Variants in SIPA1L3 observed in about 807,000 individuals in gnomAD.
SIPA1L3 encodes signal induced proliferation associated 1 like 3, also known as signal-induced proliferation-associated 1-like protein 3.
In SIPA1L3, 59 loss-of-function variants were observed where a neutral mutation model predicts 150.1. That is an observed-to-expected ratio of 0.39 (90% confidence interval 0.32 to 0.49). The LOEUF (loss-of-function observed/expected upper bound fraction) is 0.49. Among genes scored for constraint, SIPA1L3 ranks in the 20% least tolerant of loss-of-function variants. SIPA1L3 has a pLI of 0.86. For synonymous variants in SIPA1L3, 1,070 were observed against 1,077.6 expected (o/e 0.99, Z 0.14); for missense variants, 2,211 against 2,489.5 (o/e 0.89, Z 2.38).
intron 1 of SIPA1L3, chr19:37,963,870 A>G (rs1315994922): frequency 6.6e-6 from 1 of 152,174 alleles, no homozygotes; most frequent in Non-Finnish European, 1.5e-5. Context: ...CCAAACTTTA[A>G]ATATGTAGCT....
chr19:37,971,348 T>A (rs995361016), intron 1 of SIPA1L3, among the ~76,000 whole-genome samples: 10 of 152,090 alleles, frequency 6.6e-5, no homozygotes, highest in African/African-American at 2.2e-4. Context: ...ATCATAACAA[T>A]CTATTTGCAG....
At chr19:38,016,561 C>T (rs1394985161) in intron 1 of SIPA1L3, among the ~76,000 whole-genome samples, 4 of 152,138 alleles carry the variant, frequency 2.6e-5, no homozygotes, top group Non-Finnish European at 4.4e-5. Context: ...GGCACGGTCT[C>T]GGTGCACTGC....
chr19:38,080,897 G>A (rs956227267), intron 2 of SIPA1L3, among the ~76,000 whole-genome samples: 1 of 151,694 alleles, frequency 6.6e-6, no homozygotes, highest in Non-Finnish European at 1.5e-5. Flanking sequence ...TCGAACCTTC[G>A]AGGTGGATGT....
In SIPA1L3 at chr19:38,053,202, A is replaced by G. The variant is rs147275197; in HGVS notation, c.-311+24046A>G. 1.6e-3 allele frequency among the ~76,000 whole-genome samples: 239 copies of G among 152,348 alleles called. 1 individual carries two copies. The highest frequency in any genetic ancestry group is 5.4e-3 in the African/African-American group (226 of 41,578). On this transcript the variant is annotated intron_variant, in intron 2 of 21. Transcript: ENST00000222345. ...ACACAAACAGGGAAGCTCAACACCA[A>G]TGTGAGAGTTTAAAGGAGACAGAGA...
intron 2 of SIPA1L3, among the ~76,000 whole-genome samples, chr19:38,043,327 G>T (rs575176428): frequency 6.6e-6 from 1 of 152,104 alleles, no homozygotes; most frequent in African/African-American, 2.4e-5. Context: ...GCGACAGAGC[G>T]AGACTTCATC....
chr19:38,154,435 T>G (rs1442216497), intron 13 of SIPA1L3, among the ~76,000 whole-genome samples: 6 of 152,050 alleles, frequency 3.9e-5, no homozygotes, highest in African/African-American at 1.4e-4. Context: ...TTAAGTTGAT[T>G]TTATTTTATT....
intron 10 of SIPA1L3, among the ~76,000 whole-genome samples, chr19:38,138,447 G>A (rs997923810): frequency 6.6e-6 from 1 of 152,142 alleles, no homozygotes; most frequent in Admixed American, 6.5e-5. Flanking sequence ...ACTGGCTCAC[G>A]TAGCCGACAA....
intron 15 of SIPA1L3, among the ~76,000 whole-genome samples, chr19:38,167,315 A>G (rs140030411): frequency 2.6e-4 from 39 of 151,726 alleles, no homozygotes; most frequent in African/African-American, 9.2e-4. Context: ...AGTCTACTCT[A>G]TTTAAAAACT....
chr19:38,198,948 A>G (rs1973027561), intron 19 of SIPA1L3, among the ~76,000 whole-genome samples: 1 of 152,198 alleles, frequency 6.6e-6, no homozygotes, highest in Non-Finnish European at 1.5e-5. Flanking sequence ...CCTGGGCGAC[A>G]GTGCAAGACC....
chr19:38,152,298 T>C (rs541859298), intron 12 of SIPA1L3, among the ~76,000 whole-genome samples: 167 of 152,310 alleles, frequency 1.1e-3, no homozygotes, highest in Non-Finnish European at 2.0e-3. Context: ...CCTACTGTTA[T>C]CGCCTCTTGA....
intron 8 of SIPA1L3, among the ~76,000 whole-genome samples, chr19:38,113,890 G>A (rs1384521138): frequency 6.6e-6 from 1 of 152,072 alleles, no homozygotes; most frequent in Non-Finnish European, 1.5e-5. Context: ...TGGTTGTTTC[G>A]TGAGTTTTCA....
intron 1 of SIPA1L3, among the ~76,000 whole-genome samples, chr19:37,984,481 C>T (rs760495764): frequency 1.1e-4 from 16 of 151,976 alleles, no homozygotes; most frequent in Non-Finnish European, 2.1e-4. Context: ...AAAGAAATCC[C>T]CCAGATAGAT....
At chr19:38,067,993 G>A (rs1969633943) in intron 2 of SIPA1L3, among the ~76,000 whole-genome samples, 2 of 151,642 alleles carry the variant, frequency 1.3e-5, no homozygotes, top group African/African-American at 4.8e-5. Flanking sequence ...CAGTAAGGTT[G>A]GGGAAGACAT....
intron 9 of SIPA1L3, among the ~76,000 whole-genome samples, chr19:38,122,304 C>T (rs1200919425): frequency 6.6e-6 from 1 of 152,186 alleles, no homozygotes. Flanking sequence ...AAGTCCTCTA[C>T]TCAAATAAGG....
chr19:38,192,959 C>T (rs1273746511), intron 17 of SIPA1L3, among the ~76,000 whole-genome samples: 1 of 152,126 alleles, frequency 6.6e-6, no homozygotes, highest in Non-Finnish European at 1.5e-5. Flanking sequence ...CCCAACCCAT[C>T]AGGCTTTGAT....
chr19:38,064,561 G>T (rs1258252408), intron 2 of SIPA1L3, among the ~76,000 whole-genome samples: 1 of 152,104 alleles, frequency 6.6e-6, no homozygotes, highest in Admixed American at 6.6e-5. Context: ...GCCGGGCGTG[G>T]TGGTGTGGGT....
In SIPA1L3 at chr19:38,206,402, C is replaced by T; in HGVS notation, c.*162C>T. 1 of 859,560 alleles carries T rather than the reference C, an allele frequency of 1.2e-6. No homozygotes were observed. Among genetic ancestry groups the T allele is most frequent in the Non-Finnish European group, 1.7e-6 (1 of 573,926 alleles). The allele number at this position is 859,560 out of a possible 1,614,324, so 53.2% of individuals were successfully genotyped here. On this transcript the variant is annotated 3_prime_UTR_variant, in exon 22 of 22. Coordinates refer to ENST00000222345, the MANE Select transcript of SIPA1L3 (RefSeq NM_015073.3). Reference sequence around the variant, plus strand: ...CGATGGCCTCACTAGGGCTGTGAGTCAGGGTCAGCGCGCACAGCCCTCATG... The same window carrying T: ...CGATGGCCTCACTAGGGCTGTGAGTTAGGGTCAGCGCGCACAGCCCTCATG...
At chr19:38,078,714 TAG>T (rs1490003354) in intron 2 of SIPA1L3, among the ~76,000 whole-genome samples, 1 of 152,092 alleles carries the variant, frequency 6.6e-6, no homozygotes, top group Non-Finnish European at 1.5e-5. Flanking sequence ...AAAGAAAAGT[TAG>T]AGGTCACCTT....
intron 1 of SIPA1L3, among the ~76,000 whole-genome samples, chr19:38,000,877 T>TTATA (rs765549740): frequency 1.4e-5 from 2 of 143,616 alleles, no homozygotes; most frequent in Admixed American, 7.1e-5. Flanking sequence ...TCCAAGTTTT[T>TTATA]TATATATATA....
Sources: allele counts gnomAD v4.1 joint callset (sites outside exome capture counted in the v4.1 genomes callset), GRCh38; gene constraint gnomAD v4.1.1; transcripts MANE v1.5; gene names NCBI Gene and HGNC (gene_info 2026-07-23, HGNC 2026-07-21).